FBN2: variants seen among roughly 807,000 people sequenced by gnomAD.
FBN2 encodes the protein fibrillin 2.
A neutral mutation model predicts 355.6 loss-of-function variants in FBN2; 105 were observed. The observed-to-expected ratio is 0.30, with a 90% CI of 0.25 to 0.35. The LOEUF (loss-of-function observed/expected upper bound fraction) is 0.35. Ranked by LOEUF, FBN2 falls within the 10% of genes least tolerant of loss-of-function variation. FBN2 has a pLI of 1.00. For synonymous variants in FBN2, 1,350 were observed against 1,301.2 expected, an observed-to-expected ratio of 1.04 and a Z score of -0.81; for missense variants, 3,280 against 3,758.7, an observed-to-expected ratio of 0.87 and a Z score of 3.33.
intron 48 of FBN2, 71 bp from the exon 49 acceptor site, chr5:128,291,725 T>C: frequency 2.2e-6 from 3 of 1,333,626 alleles, no homozygotes; most frequent in Non-Finnish European, 3.2e-6. Flanking sequence ...ACTATCACTG[T>C]CCACTAGCCA....
At chr5:128,525,769 T>A (rs1284526055) in intron 4 of FBN2, among the ~76,000 whole-genome samples, 1 of 152,194 alleles carries the variant, frequency 6.6e-6, no homozygotes, top group Non-Finnish European at 1.5e-5. Flanking sequence ...ATTTTTGTAC[T>A]TCCCATGAGC....
At chr5:128,519,839 A>G (rs1208044249) in intron 4 of FBN2, among the ~76,000 whole-genome samples, 1 of 152,076 alleles carries the variant, frequency 6.6e-6, no homozygotes, top group East Asian at 1.9e-4. Flanking sequence ...AATGAAAATG[A>G]TATGGCAATA....
At chr5:128,443,897 T>G (rs1378968131) in intron 7 of FBN2, among the ~76,000 whole-genome samples, 1 of 152,100 alleles carries the variant, frequency 6.6e-6, no homozygotes, top group Non-Finnish European at 1.5e-5. Context: ...GAGCAAACAT[T>G]ACATTTATGG....
chr5:128,492,100 G>GT (rs1755521724), intron 5 of FBN2, among the ~76,000 whole-genome samples: 2 of 152,240 alleles, frequency 1.3e-5, no homozygotes, highest in South Asian at 4.2e-4. Flanking sequence ...AGGCATTCCA[G>GT]TGCCTTTCTG....
chr5:128,317,006 C>T (rs1349731786), intron 36 of FBN2, among the ~76,000 whole-genome samples: 1 of 152,066 alleles, frequency 6.6e-6, no homozygotes, highest in Non-Finnish European at 1.5e-5. Flanking sequence ...CATCCCTGTC[C>T]CCTCCACTCA....
intron 8 of FBN2, 106 bp from the exon 9 acceptor site, chr5:128,395,380 ATC>A: frequency 8.8e-7 from 1 of 1,133,268 alleles, no homozygotes; most frequent in Non-Finnish European, 1.3e-6. Flanking sequence ...ATACCACTTA[ATC>A]TCTGTTATCT....
chr5:128,513,122 G>A (rs1756176173), intron 5 of FBN2, among the ~76,000 whole-genome samples: 2 of 152,158 alleles, frequency 1.3e-5, no homozygotes, highest in South Asian at 4.1e-4. Flanking sequence ...TGTGTCAGGT[G>A]CTTAACACAT....
At chr5:128,446,132 T>C (rs1035516992) in intron 7 of FBN2, 6 of 256,932 alleles carry the variant, frequency 2.3e-5, no homozygotes. Flanking sequence ...ATACTGTATT[T>C]CACTTGGACT....
At chr5:128,446,655 A>C in intron 6 of FBN2, 49 bp from the exon 7 acceptor site, 1 of 1,597,660 alleles carries the variant, frequency 6.3e-7, no homozygotes. Context: ...TTTTCAGAAT[A>C]TCTATACTTT....
chr5:128,458,152 A>G (rs1395483938), intron 6 of FBN2, among the ~76,000 whole-genome samples: 1 of 152,188 alleles, frequency 6.6e-6, no homozygotes, highest in African/African-American at 2.4e-5. Flanking sequence ...AAGCAAAAAA[A>G]TGCAGGGGTT....
intron 6 of FBN2, among the ~76,000 whole-genome samples, chr5:128,448,694 C>A (rs1754142125): frequency 6.6e-6 from 1 of 151,824 alleles, no homozygotes; most frequent in Non-Finnish European, 1.5e-5. Context: ...TTATAAATAC[C>A]CTAATATTGT....
chr5:128,319,179 A>G (rs749938055), intron 34 of FBN2, among the ~76,000 whole-genome samples, 178 bp from the exon 35 acceptor site: 17 of 152,098 alleles, frequency 1.1e-4, no homozygotes, highest in Non-Finnish European at 2.5e-4. Context: ...ATGTTCACCT[A>G]TGGAACTAAG....
intron 5 of FBN2, among the ~76,000 whole-genome samples, chr5:128,468,266 A>G (rs554055087): frequency 1.4e-4 from 21 of 152,320 alleles, no homozygotes; most frequent in Non-Finnish European, 2.4e-4. Flanking sequence ...GCATGGATCA[A>G]TACTTCATTT....
At chr5:128,349,216 T>C in intron 23 of FBN2, 131 bp downstream of exon 23, 1 of 1,019,852 alleles carries the variant, frequency 9.8e-7, no homozygotes, top group South Asian at 1.3e-5. Flanking sequence ...TCTAGTGATT[T>C]CCCCCTAAAT....
chr5:128,412,898 A>AT lies in FBN2; in HGVS notation c.953-4100dup, dbSNP rs752610232. 4.6e-5 allele frequency among the ~76,000 whole-genome samples: 7 copies of AT among 152,332 alleles called. No individual in the cohort carries two copies. In the South Asian group the frequency reaches 1.4e-3, roughly 32 times the overall value. On this transcript the variant is annotated intron_variant, in intron 7 of 64. Transcript: ENST00000262464. ...TGAGAACTTGAAGTAAGGCTTTATG[A>AT]TGAGGAAGGGAACATATATTCAGGA...
At chr5:128,508,755 A>C (rs539200787) in intron 5 of FBN2, among the ~76,000 whole-genome samples, 1 of 152,200 alleles carries the variant, frequency 6.6e-6, no homozygotes, top group African/African-American at 2.4e-5. Context: ...AACTGCCTTA[A>C]TATTTCTTAC....
At chr5:128,306,266 CTA>C (rs750928315) in intron 42 of FBN2, among the ~76,000 whole-genome samples, 1 of 152,242 alleles carries the variant, frequency 6.6e-6, no homozygotes, top group African/African-American at 2.4e-5. Context: ...GTTTAAAAAG[CTA>C]TGTTTTCATC....
intron 6 of FBN2, among the ~76,000 whole-genome samples, chr5:128,448,798 A>G (rs1204028978): frequency 1.3e-5 from 2 of 152,112 alleles, no homozygotes; most frequent in Non-Finnish European, 2.9e-5. Context: ...AAAGTTGTCT[A>G]TATTCCTTGA....
chr5:128,452,673 G>C (rs1754285738), intron 6 of FBN2, among the ~76,000 whole-genome samples: 2 of 152,016 alleles, frequency 1.3e-5, no homozygotes, highest in African/African-American at 4.8e-5. Flanking sequence ...AACTTTTCTT[G>C]TTACCAAATT....
Sources: allele counts gnomAD v4.1 joint callset (sites outside exome capture counted in the v4.1 genomes callset), GRCh38; gene constraint gnomAD v4.1.1; transcripts MANE v1.5; gene names NCBI Gene and HGNC (gene_info 2026-07-23, HGNC 2026-07-21).